The following NBEA variants were observed in gnomAD, a reference collection of about 807,000 sequenced individuals.
NBEA encodes the protein neurobeachin.
Under a neutral mutation model 343.4 loss-of-function variants are expected in NBEA, and 44 were observed. The observed-to-expected ratio is 0.13, with a 90% CI of 0.10 to 0.16. The LOEUF is 0.16. NBEA is among the 10% of genes least tolerant of loss of function. The probability of loss-of-function intolerance (pLI) is 1.00; values close to 1 mark genes in which losing one functional copy is unlikely to be tolerated. For missense variants in NBEA, 2,555 were observed against 3,631.3 expected, an observed-to-expected ratio of 0.70 and a Z score of 7.62; for synonymous variants, 1,175 against 1,238.7, an observed-to-expected ratio of 0.95 and a Z score of 1.08.
intron 41 of NBEA, 74 bp from the exon 42 acceptor site, chr13:35,550,403 C>G: frequency 1.3e-6 from 1 of 790,988 alleles, no homozygotes; most frequent in South Asian, 2.1e-5. Flanking sequence ...CTGACTTTTA[C>G]TAAGTTACTG....
chr13:35,618,531 C>A (rs1163118364), intron 48 of NBEA, among the ~76,000 whole-genome samples: 3 of 151,330 alleles, frequency 2.0e-5, no homozygotes, highest in Admixed American at 1.3e-4. Context: ...AGTTATGTTT[C>A]GCTGTGAAAT....
chr13:35,047,229 A>G (rs201131835), intron 4 of NBEA, among the ~76,000 whole-genome samples: 19 of 130,604 alleles, frequency 1.5e-4, no homozygotes, highest in South Asian at 9.8e-4. Flanking sequence ...GTGTGTGTGT[A>G]TTTTTTTTAA....
intron 31 of NBEA, among the ~76,000 whole-genome samples, chr13:35,206,274 T>C (rs568541895): frequency 6.6e-6 from 1 of 152,290 alleles, no homozygotes; most frequent in Non-Finnish European, 1.5e-5. Flanking sequence ...AAGTTAGTAA[T>C]GATCAACAGA....
intron 41 of NBEA, among the ~76,000 whole-genome samples, chr13:35,527,582 C>T (rs1041114354): frequency 3.9e-5 from 6 of 152,228 alleles, no homozygotes; most frequent in Non-Finnish European, 8.8e-5. Flanking sequence ...CATGTCATTG[C>T]CACCCCAAGT....
chr13:35,647,542 C>T (rs1199359002), intron 51 of NBEA, among the ~76,000 whole-genome samples: 5 of 152,094 alleles, frequency 3.3e-5, no homozygotes, highest in South Asian at 2.1e-4. Context: ...AATCAGTAGT[C>T]GAACTTTTGG....
chr13:35,317,665 G>C (rs1219672299), intron 36 of NBEA, among the ~76,000 whole-genome samples: 1 of 152,138 alleles, frequency 6.6e-6, no homozygotes, highest in Non-Finnish European at 1.5e-5. Flanking sequence ...GCTTGATGGG[G>C]ATAGCACTGA....
At chr13:35,241,242 G>T (rs991947743) in intron 34 of NBEA, among the ~76,000 whole-genome samples, 1 of 151,900 alleles carries the variant, frequency 6.6e-6, no homozygotes. Flanking sequence ...AGATAGATCA[G>T]TGTGTCAGAA....
intron 36 of NBEA, among the ~76,000 whole-genome samples, chr13:35,335,299 G>T (rs539366348): frequency 6.6e-6 from 1 of 152,156 alleles, no homozygotes; most frequent in East Asian, 1.9e-4. Context: ...TGTTATTTTT[G>T]CTTAGGATAG....
intron 41 of NBEA, among the ~76,000 whole-genome samples, chr13:35,473,250 A>C (rs2075732549): frequency 6.6e-6 from 1 of 152,152 alleles, no homozygotes; most frequent in Non-Finnish European, 1.5e-5. Context: ...CTAATGTTTT[A>C]ACTTTCATGT....
chr13:35,041,113 C>T lies in NBEA; in HGVS notation c.475C>T (p.Leu159=), dbSNP rs771327743. The T allele has an allele frequency of 1.9e-6, 3 of 1,612,594 alleles. No individual in the cohort carries two copies. Among genetic ancestry groups the T allele is most frequent in the African/African-American group, 1.3e-5 (1 of 74,868 alleles). Reference sequence around the variant, plus strand: ...TTTACAGACTAGCACAGAAGTTGGGCTAATTGAACAAGTATTGCTGAAAAT... The same window carrying T: ...TTTACAGACTAGCACAGAAGTTGGGTTAATTGAACAAGTATTGCTGAAAAT... ...RNLQTSTEVG[L]IEQVLLKMSA... The change falls in exon 2 of 59, where the codon CTA becomes TTA. Residue 159 remains leucine (L), a synonymous_variant. Coordinates refer to ENST00000379939, the MANE Select transcript of NBEA (RefSeq NM_001385012.1).
At chr13:35,220,939 C>A (rs916896252) in intron 33 of NBEA, among the ~76,000 whole-genome samples, 1 of 152,072 alleles carries the variant, frequency 6.6e-6, no homozygotes, top group Non-Finnish European at 1.5e-5. Context: ...TGAGTATTTT[C>A]TTTTAACCTA....
rs1044861131 is a variant in NBEA, at chr13:35,340,709, A to T, written c.5904-8399A>T. 2.6e-5 allele frequency among the ~76,000 whole-genome samples: 4 copies of T among 152,184 alleles called. No individual in the cohort carries two copies. In the East Asian group the frequency reaches 7.7e-4, roughly 29 times the overall value. ...ACACTTGTTCATCAAAAACCACAAC[A>T]TTATTGAATTTCTTTCAAACATTGT... On this transcript the variant is annotated intron_variant, in intron 36 of 58. Coordinates refer to ENST00000379939, the MANE Select transcript of NBEA (RefSeq NM_001385012.1).
At chr13:35,125,824 GCATACATA>G (rs148274320) in intron 17 of NBEA, among the ~76,000 whole-genome samples, 114 of 151,388 alleles carry the variant, frequency 7.5e-4, no homozygotes, top group East Asian at 2.7e-3. Flanking sequence ...ATAAACAAAT[GCATACATA>G]CATACATACA....
At chr13:35,506,818 T>TA (rs1183872900) in intron 41 of NBEA, among the ~76,000 whole-genome samples, 1 of 152,152 alleles carries the variant, frequency 6.6e-6, no homozygotes, top group Non-Finnish European at 1.5e-5. Context: ...TTTCTCAAAT[T>TA]ATAGAACCAT....
rs1222928027 is a variant in NBEA at position 35,646,309 on chromosome 13, T to G, written c.7731T>G (p.Leu2577=). The G allele has an allele frequency of 1.2e-6, 2 of 1,613,848 alleles. No homozygotes were observed. Among genetic ancestry groups the G allele is most frequent in the South Asian group, 1.1e-5 (1 of 91,014 alleles). Residue 2577 remains leucine (L), a synonymous_variant, in exon 51 of 59, where the codon CTT becomes CTG. Transcript: ENST00000379939. ...TTGGACAGACGCCATCTCAGTTGCT[T>G]ATTGAGCCACATCCGCCTCGGAGCT... ...QNFGQTPSQL[L]IEPHPPRSSA...
Position 35,652,839 on chromosome 13 carries a change from C to T in NBEA, c.8035+963C>T, listed in dbSNP as rs548067323. ...CCTCCCGAGTAGCTGGGATTACAGG[C>T]GCCCGCCACCGCGCCCGGCTAATTT... On this transcript the variant is annotated intron_variant, in intron 53 of 58. Transcript: ENST00000379939. 1.3e-4 allele frequency among the ~76,000 whole-genome samples: 19 copies of T among 150,718 alleles called. No homozygotes were observed. The South Asian group carries it at 3.0e-3, about 23-fold the overall frequency.
At chr13:35,572,035 C>G (rs1244427772) in intron 45 of NBEA, among the ~76,000 whole-genome samples, 1 of 152,172 alleles carries the variant, frequency 6.6e-6, no homozygotes, top group South Asian at 2.1e-4. Flanking sequence ...ATTATGTGTA[C>G]AGGTTAGGGG....
chr13:35,092,847 T>G (rs2065156211), intron 10 of NBEA, among the ~76,000 whole-genome samples: 1 of 152,064 alleles, frequency 6.6e-6, no homozygotes. Context: ...TCCTCGGCAT[T>G]TATTTATGAG....
At chr13:35,087,671 C>T (rs1439179287) in intron 10 of NBEA, among the ~76,000 whole-genome samples, 1 of 151,810 alleles carries the variant, frequency 6.6e-6, no homozygotes, top group Non-Finnish European at 1.5e-5. Flanking sequence ...GTCATGGCAT[C>T]TATCAACATT....
Sources: allele counts gnomAD v4.1 joint callset (sites outside exome capture counted in the v4.1 genomes callset), GRCh38; gene constraint gnomAD v4.1.1; transcripts MANE v1.5; gene names NCBI Gene and HGNC (gene_info 2026-07-23, HGNC 2026-07-21).